Variants in DSCAML1 observed in about 807,000 individuals in gnomAD.
The protein encoded by DSCAML1 is DS cell adhesion molecule like 1.
A neutral mutation model predicts 200.5 loss-of-function variants in DSCAML1; 38 were observed. That is an observed-to-expected ratio of 0.19 (90% CI 0.15 to 0.25). DSCAML1 has a LOEUF of 0.25. Among genes scored for constraint, DSCAML1 ranks in the 10% least tolerant of loss-of-function variants. The pLI is 1.00. For synonymous variants in DSCAML1, 1,215 were observed against 1,165.0 expected (o/e 1.04, Z -0.87); for missense variants, 2,223 against 2,858.8 (o/e 0.78, Z 5.07).
At chr11:117,597,364 G>A (rs2051381973) in intron 3 of DSCAML1, among the ~76,000 whole-genome samples, 3 of 152,186 alleles carry the variant, frequency 2.0e-5, no homozygotes, top group African/African-American at 7.2e-5. Context: ...CAGGTGTGTG[G>A]GAGCAGGGCC....
Position 117,525,000 on chromosome 11 carries a change from T to G in DSCAML1, c.742A>C (p.Thr248Pro), listed in dbSNP as rs994725284. 7 of 1,610,700 alleles carry G rather than the reference T, an allele frequency of 4.3e-6. No individual in the cohort carries two copies. Among genetic ancestry groups the G allele is most frequent in the Non-Finnish European group, 5.9e-6 (7 of 1,178,980 alleles). Residue 248 changes from threonine (T) to proline (P), a missense_variant, in exon 5 of 33, where the codon ACC (threonine) becomes CCC (proline). Transcript: ENST00000651296. Reference sequence around the variant, plus strand: ...GCGGGGATAGGGTAGCCCGAGGCGGTGCAGGGCAGCTCCACGGTGTGGCCG... The same window carrying G: ...GCGGGGATAGGGTAGCCCGAGGCGGGGCAGGGCAGCTCCACGGTGTGGCCG... ...WAGHTVELPCTASGYPIPAIR... is the reference protein window; with the variant it reads ...WAGHTVELPCPASGYPIPAIR...
At chr11:117,500,507 G>A (rs2049374938) in intron 11 of DSCAML1, among the ~76,000 whole-genome samples, 1 of 151,644 alleles carries the variant, frequency 6.6e-6, no homozygotes. Flanking sequence ...CCTTACCAAC[G>A]CACAAAGTAC....
chr11:117,687,849 A>G (rs939999999), intron 3 of DSCAML1, among the ~76,000 whole-genome samples: 9 of 152,156 alleles, frequency 5.9e-5, no homozygotes, highest in Non-Finnish European at 8.8e-5. Context: ...GGTCCCAGGG[A>G]GCTTAGGGGA....
chr11:117,544,435 C>T (rs1166099566), intron 3 of DSCAML1, among the ~76,000 whole-genome samples: 1 of 152,222 alleles, frequency 6.6e-6, no homozygotes, highest in Non-Finnish European at 1.5e-5. Flanking sequence ...GTGATGGATA[C>T]TTCCTGGCTG....
intron 3 of DSCAML1, among the ~76,000 whole-genome samples, chr11:117,593,018 T>C: frequency 6.6e-6 from 1 of 152,182 alleles, no homozygotes; most frequent in South Asian, 2.1e-4. Context: ...AGGGTGGCTG[T>C]GAAGATTAAG....
intron 3 of DSCAML1, among the ~76,000 whole-genome samples, chr11:117,725,696 G>C (rs1210532788): frequency 3.3e-5 from 5 of 151,940 alleles, no homozygotes; most frequent in Admixed American, 3.3e-4. Context: ...GGCCTCCCAG[G>C]GCCTAGACAC....
chr11:117,495,565 G>C (rs73008405), intron 11 of DSCAML1, among the ~76,000 whole-genome samples: 3,215 of 152,176 alleles, frequency 0.021, 73 homozygotes, highest in East Asian at 0.095. Flanking sequence ...TCACTTTAGC[G>C]GGGGGCAGGG....
At chr11:117,626,743 C>T (rs558224567) in intron 3 of DSCAML1, among the ~76,000 whole-genome samples, 1 of 152,302 alleles carries the variant, frequency 6.6e-6, no homozygotes, top group Admixed American at 6.5e-5. Flanking sequence ...AGCCCCACAC[C>T]TTGGACCACC....
At chr11:117,477,386 G>A (rs867799322) in intron 14 of DSCAML1, among the ~76,000 whole-genome samples, 9 of 130,574 alleles carry the variant, frequency 6.9e-5, no homozygotes, top group Non-Finnish European at 1.5e-4. Context: ...GTGTGTGTGT[G>A]TGTGTATGTG....
chr11:117,774,126 C>A (rs2055087345), intron 3 of DSCAML1, among the ~76,000 whole-genome samples: 1 of 152,224 alleles, frequency 6.6e-6, no homozygotes, highest in South Asian at 2.1e-4. Context: ...CCATCCCATG[C>A]CCAGCCTGCT....
intron 3 of DSCAML1, among the ~76,000 whole-genome samples, chr11:117,735,333 A>G (rs2054297717): frequency 6.6e-6 from 1 of 152,200 alleles, no homozygotes. Flanking sequence ...TTTCATGTTC[A>G]TGATCTTATT....
chr11:117,662,030 G>T (rs2052865092), intron 3 of DSCAML1, among the ~76,000 whole-genome samples: 1 of 152,200 alleles, frequency 6.6e-6, no homozygotes, highest in Non-Finnish European at 1.5e-5. Flanking sequence ...GATGCAACTT[G>T]TTTCTTGCCT....
intron 26 of DSCAML1, among the ~76,000 whole-genome samples, chr11:117,436,514 A>G (rs2047918180): frequency 6.7e-6 from 1 of 149,252 alleles, no homozygotes; most frequent in Admixed American, 6.7e-5. Flanking sequence ...CCTTCAATGG[A>G]TGTGTGTGTG....
At chr11:117,430,279 T>G (rs1357702675) in intron 32 of DSCAML1, among the ~76,000 whole-genome samples, 1 of 152,176 alleles carries the variant, frequency 6.6e-6, no homozygotes, top group Non-Finnish European at 1.5e-5. Context: ...CTGGATTAAA[T>G]TCAAACAGCA....
intron 1 of DSCAML1, among the ~76,000 whole-genome samples, chr11:117,806,221 CAG>C (rs775746438): frequency 2.0e-5 from 3 of 152,130 alleles, no homozygotes; most frequent in Non-Finnish European, 4.4e-5. Flanking sequence ...TGCTTAAGCT[CAG>C]AGAAAGGAGT....
At chr11:117,654,547 C>T (rs1408868132) in intron 3 of DSCAML1, among the ~76,000 whole-genome samples, 3 of 152,122 alleles carry the variant, frequency 2.0e-5, no homozygotes, top group Admixed American at 6.5e-5. Flanking sequence ...CTCAGAGGAG[C>T]GCTGCAAGAA....
chr11:117,677,823 C>G (rs1405011836), intron 3 of DSCAML1, among the ~76,000 whole-genome samples: 2 of 152,160 alleles, frequency 1.3e-5, no homozygotes, highest in Non-Finnish European at 2.9e-5. Context: ...CCAAGGCTGC[C>G]GAGCTACTGA....
rs2055216144 is a variant in DSCAML1 at position 117,780,240 on chromosome 11, G to GAAGAAAGAA, written c.364+252_364+253insTTCTTTCTT. 3.2e-5 allele frequency among the ~76,000 whole-genome samples: 2 copies of GAAGAAAGAA among 62,476 alleles called. No individual in the cohort carries two copies. The highest frequency in any genetic ancestry group is 1.2e-4 in the African/African-American group (2 of 16,444). 41.0% of individuals were successfully genotyped at this position (62,476 alleles called of 152,430 possible). A position where few individuals can be genotyped will look rare whatever the true frequency, so the allele number is the denominator to read the frequency against. ...GAGAGAAAGAAAGAAAGGAAAGAAA[G>GAAGAAAGAA]AAAGAAAGAAAGAAAGAAAGAAAGA... is the stretch of plus-strand genomic sequence containing the variant. On this transcript the variant is annotated intron_variant, in intron 2 of 32. Coordinates refer to ENST00000651296, the MANE Select transcript of DSCAML1 (RefSeq NM_020693.4). The surrounding 1 kb of genome is among the most constrained non-coding windows in gnomAD (Gnocchi z 4.8).
intron 1 of DSCAML1, among the ~76,000 whole-genome samples, chr11:117,795,958 C>G (rs1052999736): frequency 6.6e-6 from 1 of 152,212 alleles, no homozygotes; most frequent in Non-Finnish European, 1.5e-5. Flanking sequence ...GAGGGCTGAA[C>G]AGGTGACGCT....
Sources: allele counts gnomAD v4.1 joint callset (sites outside exome capture counted in the v4.1 genomes callset), GRCh38; gene constraint gnomAD v4.1.1; non-coding constraint Gnocchi (gnomAD v3.1); transcripts MANE v1.5; gene names NCBI Gene and HGNC (gene_info 2026-07-23, HGNC 2026-07-21).